CFAP47: variants seen among roughly 807,000 people sequenced by gnomAD.
CFAP47 encodes cilia and flagella associated protein 47, also known as cilia- and flagella-associated protein 47.
In CFAP47, 29 loss-of-function variants were observed where a neutral mutation model predicts 148.1. The ratio of observed to expected loss-of-function variants is 0.20; its 90% CI spans 0.15 to 0.27. CFAP47 has a LOEUF of 0.27. Ranked by LOEUF, CFAP47 falls within the 10% of genes least tolerant of loss-of-function variation. The pLI, the probability that CFAP47 is intolerant of heterozygous loss-of-function variation, is 1.00. For missense variants in CFAP47, 1,872 were observed against 1,697.5 expected (o/e 1.10, Z -1.81); for synonymous variants, 664 against 577.3 (o/e 1.15, Z -2.15).
intron 1 of CFAP47, 110 bp downstream of exon 1, chrX:35,920,158 G>C: frequency 2.4e-6 from 2 of 848,113 alleles, no homozygotes; most frequent in Non-Finnish European, 3.2e-6. Context: ...GATGGAGGGA[G>C]GATTGGGCTT....
At chrX:36,095,341 G>A (rs1938257429) in intron 30 of CFAP47, among the ~76,000 whole-genome samples, 1 of 111,955 alleles carries the variant, frequency 8.9e-6, no homozygotes, top group African/African-American at 3.2e-5. Context: ...ATATTGGACT[G>A]TAGCATTCCT....
At chrX:35,955,895 C>T in intron 7 of CFAP47, 66 bp from the exon 8 acceptor site, 1 of 1,174,079 alleles carries the variant, frequency 8.5e-7, no homozygotes, top group South Asian at 2.0e-5. Flanking sequence ...AACAAATAGA[C>T]TAAGCAAATA....
intron 26 of CFAP47, among the ~76,000 whole-genome samples, chrX:36,047,804 CTCTTCTTAATACATAGAAATATCT>C (rs1181643389): frequency 2.7e-5 from 3 of 112,126 alleles, no homozygotes; most frequent in Non-Finnish European, 5.6e-5. Context: ...AGGGACATCT[CTCTTCTTAATACATAGAAATATCT>C]TCTTCTTAAT....
chrX:36,153,796 A>G (rs1418590287), intron 37 of CFAP47, among the ~76,000 whole-genome samples: 1 of 112,138 alleles, frequency 8.9e-6, no homozygotes, highest in Non-Finnish European at 1.9e-5. Context: ...CTGCTGAAGC[A>G]GCACCTGGGG....
rs377205954 is a variant in CFAP47 at position 35,967,820 on chromosome X, A to G, written c.1802A>G (p.His601Arg). The change falls in exon 10 of 64, where the codon CAT becomes CGT. Residue 601 changes from histidine (H) to arginine (R), a missense_variant. Coordinates refer to ENST00000378653, the MANE Select transcript of CFAP47 (RefSeq NM_001304548.2). ...RAATIRSKDH[H>R]KHFRPIFTKV... ...GCAACTATCAGGTCTAAAGACCATC[A>G]TAAACATTTCAGGTAACATGAAATA... is the stretch of plus-strand genomic sequence containing the variant. The G allele has an allele frequency of 8.3e-7, 1 of 1,199,268 alleles. No homozygotes were observed. The highest frequency in any genetic ancestry group is 1.7e-5 in the African/African-American group (1 of 57,263).
intron 8 of CFAP47, among the ~76,000 whole-genome samples, chrX:35,960,288 C>T (rs1936306943): frequency 1.0e-5 from 1 of 100,115 alleles, no homozygotes; most frequent in Non-Finnish European, 2.0e-5. Flanking sequence ...GAAATATGAG[C>T]CTTCTAATTT....
At position 35,948,833 on chromosome X, in the gene CFAP47, T is replaced by A. The variant is rs183665205; in HGVS notation, c.656+381T>A. ...TGTGTGTGTGTAGGGGTGGTGGGAG[T>A]TAGTGATGGGAGTAGCATAGAGGAG... On this transcript the variant is annotated intron_variant, in intron 4 of 63. Coordinates refer to ENST00000378653, the MANE Select transcript of CFAP47 (RefSeq NM_001304548.2). Among the ~76,000 whole-genome samples the A allele has an allele frequency of 1.7e-4, 17 of 98,130 alleles. No individual in the cohort carries two copies. In the East Asian group the frequency reaches 4.6e-3, roughly 27 times the overall value. 85.2% of individuals were successfully genotyped at this position (98,130 alleles called of 115,157 possible).
intron 61 of CFAP47, 137 bp downstream of exon 61, chrX:36,361,638 A>G: frequency 3.3e-6 from 1 of 299,092 alleles, no homozygotes; most frequent in Non-Finnish European, 5.9e-6. Context: ...TTTGGGCTAG[A>G]TTACATCTAG....
At chrX:36,194,827 CT>C (rs1373255579) in intron 42 of CFAP47, among the ~76,000 whole-genome samples, 1 of 111,931 alleles carries the variant, frequency 8.9e-6, no homozygotes, top group African/African-American at 3.2e-5. Context: ...CCACCTCCAA[CT>C]TCGGGAAATA....
intron 45 of CFAP47, among the ~76,000 whole-genome samples, chrX:36,219,297 A>G (rs781917696): frequency 8.9e-6 from 1 of 111,753 alleles, no homozygotes; most frequent in South Asian, 3.8e-4. Context: ...TATCTTATTG[A>G]CAAAAAGAGT....
chrX:36,182,788 T>C (rs755538431), intron 40 of CFAP47, among the ~76,000 whole-genome samples: 40 of 109,911 alleles, frequency 3.6e-4, no homozygotes, highest in African/African-American at 1.3e-3. Flanking sequence ...ATAAACTGGA[T>C]TTTTTAAAGA....
At chrX:35,963,799 G>T (rs1936365706) in intron 8 of CFAP47, among the ~76,000 whole-genome samples, 1 of 111,263 alleles carries the variant, frequency 9.0e-6, no homozygotes, top group South Asian at 3.7e-4. Context: ...ACATAAAACA[G>T]TCTCATTCAC....
intron 25 of CFAP47, among the ~76,000 whole-genome samples, chrX:36,042,164 T>C (rs1937413798): frequency 9.0e-6 from 1 of 111,293 alleles, no homozygotes; most frequent in Admixed American, 9.6e-5. Flanking sequence ...TTTAATTGTT[T>C]AAGGTTCCTA....
intron 35 of CFAP47, among the ~76,000 whole-genome samples, chrX:36,138,771 A>G (rs1404316145): frequency 9.1e-6 from 1 of 110,411 alleles, no homozygotes; most frequent in Non-Finnish European, 1.9e-5. Context: ...GAATGAACTA[A>G]AAGAGCATAT....
At chrX:36,060,756 T>A (rs1937587247) in intron 26 of CFAP47, among the ~76,000 whole-genome samples, 1 of 111,404 alleles carries the variant, frequency 9.0e-6, no homozygotes, top group Admixed American at 9.6e-5. Flanking sequence ...GCACATATTT[T>A]CTAGAATTAT....
chrX:35,956,058 T>G lies in CFAP47; in HGVS notation c.1272T>G (p.Cys424Trp), dbSNP rs2146647751. 1 of 1,210,006 alleles carries G rather than the reference T, an allele frequency of 8.3e-7. No homozygotes were observed. ...DPGPVLNFKPCFMGERSEIQC... is the reference protein window; with the variant it reads ...DPGPVLNFKPWFMGERSEIQC... ...GACCAGTTCTTAATTTTAAACCTTG[T>G]TTCATGGGTGAACGTTCAGAAATTC... The change falls in exon 8 of 64, where the codon TGT becomes TGG. Residue 424 changes from cysteine (C) to tryptophan (W), a missense_variant. Cys to Trp is a radical substitution (Grantham distance 215). Coordinates refer to ENST00000378653, the MANE Select transcript of CFAP47 (RefSeq NM_001304548.2).
intron 35 of CFAP47, among the ~76,000 whole-genome samples, chrX:36,142,096 G>A (rs780497060): frequency 8.9e-6 from 1 of 112,082 alleles, no homozygotes; most frequent in Non-Finnish European, 1.9e-5. Flanking sequence ...TGTTGGGAAG[G>A]CATTCAATAG....
At chrX:35,967,932 C>T (rs1936433500) in intron 10 of CFAP47, 100 bp downstream of exon 10, 1 of 287,773 alleles carries the variant, frequency 3.5e-6, no homozygotes, top group Non-Finnish European at 5.9e-6. Flanking sequence ...CTAATGATTA[C>T]AATAATAATA....
intron 2 of CFAP47, among the ~76,000 whole-genome samples, chrX:35,935,707 T>A (rs1237850999): frequency 9.0e-6 from 1 of 110,656 alleles, no homozygotes; most frequent in Non-Finnish European, 1.9e-5. Context: ...AGTGACAAGT[T>A]CTTTTAGTTT....
Sources: gnomAD v4.1 joint callset for allele counts (sites outside exome capture counted in the v4.1 genomes callset) on GRCh38, gnomAD v4.1.1 for gene constraint, MANE v1.5 for transcripts, NCBI Gene and HGNC (gene_info 2026-07-23, HGNC 2026-07-21) for gene names.